PDE4D: variants seen among roughly 807,000 people sequenced by gnomAD.
PDE4D encodes phosphodiesterase 4D.
PDE4D carries 24 observed loss-of-function variants against 87.4 expected under a neutral mutation model. That is an observed-to-expected ratio of 0.27 (90% confidence interval 0.20 to 0.39). PDE4D has a LOEUF of 0.39. Ranked by LOEUF, PDE4D falls within the 10% of genes least tolerant of loss-of-function variation. PDE4D has a pLI of 1.00. For missense variants in PDE4D, 714 were observed against 1,041.0 expected, an observed-to-expected ratio of 0.69 and a Z score of 4.32; for synonymous variants, 384 against 383.2, an observed-to-expected ratio of 1.00 and a Z score of -0.02.
At chr5:59,711,245 G>T (rs1361189413) in intron 1 of PDE4D, among the ~76,000 whole-genome samples, 1 of 151,694 alleles carries the variant, frequency 6.6e-6, no homozygotes, top group African/African-American at 2.4e-5. Context: ...ACACTTCCAG[G>T]GAATTTTTGT....
At chr5:59,730,263 C>T (rs888889998) in intron 1 of PDE4D, among the ~76,000 whole-genome samples, 2 of 151,910 alleles carry the variant, frequency 1.3e-5, no homozygotes, top group African/African-American at 4.8e-5. Context: ...TATGGAGTTC[C>T]GATACGTGCA....
At chr5:58,981,512 CCTCTTATG>C in intron 11 of PDE4D, among the ~76,000 whole-genome samples, 1 of 7,010 alleles carries the variant, frequency 1.4e-4, no homozygotes, top group South Asian at 2.9e-3. Context: ...TAAGTTAATA[CCTCTTATG>C]TTATATAAGG....
chr5:59,907,424 T>C (rs1752964040), intron 3 of PDE4D, among the ~76,000 whole-genome samples: 1 of 152,076 alleles, frequency 6.6e-6, no homozygotes, highest in African/African-American at 2.4e-5. Flanking sequence ...CACTAGGGTC[T>C]ATCTACTTGA....
rs191550514 is a variant in PDE4D at position 60,235,274 on chromosome 5, G to A, written c.-89-49587C>T. ...TATATTTCAGACTTATTTATAAATT[G>A]TAAATCAGATCCCAAGAAGCATCAT... On this transcript the variant is annotated intron_variant, in intron 1 of 16. Coordinates refer to the PDE4D transcript ENST00000502484. Among the ~76,000 whole-genome samples, 88 of 151,890 alleles carry A rather than the reference G, an allele frequency of 5.8e-4. 1 individual carries two copies. The highest frequency in any genetic ancestry group is 2.0e-3 in the African/African-American group (83 of 41,500).
In PDE4D at chr5:59,000,630, C is replaced by T. The variant is rs556105676; in HGVS notation, c.922-7165G>A. 7.6e-4 allele frequency among the ~76,000 whole-genome samples: 115 copies of T among 152,206 alleles called. 2 individuals are homozygous for T. The highest frequency in any genetic ancestry group is 2.6e-3 in the African/African-American group (108 of 41,528). On this transcript the variant is annotated intron_variant, in intron 6 of 14. Transcript: ENST00000340635. ...TGTGAAAGCTAGGGCACTGTGTATG[C>T]ATAAGGAATGCAGTGTTTTGTATAT...
rs574643086 is a variant in PDE4D at position 59,623,776 on chromosome 5, T to G, written c.455+269392A>C. 5.3e-5 allele frequency among the ~76,000 whole-genome samples: 8 copies of G among 152,314 alleles called. No homozygotes were observed. The South Asian group carries it at 1.4e-3, about 28-fold the overall frequency. On this transcript the variant is annotated intron_variant, in intron 1 of 14. Transcript: ENST00000340635. ...TCGTGCTATTTACATTTAAGGAGGGTTCAATGTTTCTCTGCAATGCTATTT... is the reference window on the plus strand; with the variant it reads ...TCGTGCTATTTACATTTAAGGAGGGGTCAATGTTTCTCTGCAATGCTATTT...
At chr5:59,670,595 T>C (rs1421356662) in intron 1 of PDE4D, among the ~76,000 whole-genome samples, 1 of 152,166 alleles carries the variant, frequency 6.6e-6, no homozygotes, top group Non-Finnish European at 1.5e-5. Context: ...ACTATGTGTA[T>C]GCATGTATTC....
At position 59,307,344 on chromosome 5, in the gene PDE4D, G is replaced by T. The variant is rs571294725; in HGVS notation, c.456-91376C>A. On this transcript the variant is annotated intron_variant, in intron 1 of 14. Coordinates refer to ENST00000340635, the MANE Select transcript of PDE4D (RefSeq NM_001104631.2). ...AACACCAAAAGCAATGGCAACAAAAGCCAAAATTGATAAATGGGATCTAAT... is the reference window on the plus strand; with the variant it reads ...AACACCAAAAGCAATGGCAACAAAATCCAAAATTGATAAATGGGATCTAAT... Among the ~76,000 whole-genome samples the T allele has an allele frequency of 7.5e-3, 1,115 of 148,864 alleles. 6 individuals carry two copies. Among genetic ancestry groups the T allele is most frequent in the Middle Eastern group, 0.024 (7 of 294 alleles).
At chr5:60,412,828 G>C (rs981266580) in intron 1 of PDE4D, among the ~76,000 whole-genome samples, 1 of 152,124 alleles carries the variant, frequency 6.6e-6, no homozygotes, top group Non-Finnish European at 1.5e-5. Context: ...ATTTGCCAAA[G>C]CCTATAGCAT....
At chr5:59,000,323 C>G (rs1426844447) in intron 6 of PDE4D, among the ~76,000 whole-genome samples, 1 of 152,186 alleles carries the variant, frequency 6.6e-6, no homozygotes, top group African/African-American at 2.4e-5. Flanking sequence ...AAATGGCAAT[C>G]GAGCATTTTA....
At chr5:59,671,061 G>C (rs1417918077) in intron 1 of PDE4D, among the ~76,000 whole-genome samples, 1 of 152,196 alleles carries the variant, frequency 6.6e-6, no homozygotes, top group Admixed American at 6.5e-5. Context: ...TCCATAGGTA[G>C]AGTAGAATGA....
intron 1 of PDE4D, among the ~76,000 whole-genome samples, chr5:59,874,858 T>A (rs897233952): frequency 6.6e-6 from 1 of 152,188 alleles, no homozygotes; most frequent in Non-Finnish European, 1.5e-5. Flanking sequence ...AACCTGAGGC[T>A]ATAATTATTT....
intron 5 of PDE4D, among the ~76,000 whole-genome samples, chr5:59,153,116 CACA>C (rs1284186798): frequency 6.6e-6 from 1 of 152,130 alleles, no homozygotes; most frequent in Non-Finnish European, 1.5e-5. Context: ...CGACATTCAT[CACA>C]ACAACTCTCT....
At chr5:59,280,917 C>T (rs1424790269) in intron 1 of PDE4D, among the ~76,000 whole-genome samples, 3 of 151,998 alleles carry the variant, frequency 2.0e-5, no homozygotes, top group African/African-American at 7.2e-5. Flanking sequence ...TCCTAGCATT[C>T]TGGTGTGGGT....
intron 1 of PDE4D, among the ~76,000 whole-genome samples, chr5:59,720,742 C>T (rs557711285): frequency 4.6e-5 from 7 of 152,180 alleles, no homozygotes; most frequent in Admixed American, 4.6e-4. Flanking sequence ...AGGGAAACTC[C>T]TTCACAAAAG....
chr5:59,392,766 T>A (rs1788505934), intron 1 of PDE4D, among the ~76,000 whole-genome samples: 1 of 152,160 alleles, frequency 6.6e-6, no homozygotes, highest in South Asian at 2.1e-4. Context: ...AGCTCCTGGC[T>A]CCTGCAGATA....
intron 1 of PDE4D, among the ~76,000 whole-genome samples, chr5:60,359,038 G>T (rs1337243971): frequency 1.3e-5 from 2 of 152,304 alleles, no homozygotes; most frequent in Non-Finnish European, 2.9e-5. Flanking sequence ...TATAACCTCT[G>T]TCTTCAGGTG....
At chr5:59,682,208 T>C (rs985930980) in intron 1 of PDE4D, among the ~76,000 whole-genome samples, 2 of 152,214 alleles carry the variant, frequency 1.3e-5, no homozygotes, top group African/African-American at 4.8e-5. Flanking sequence ...AATTGAGGAA[T>C]AACAGCATAT....
chr5:60,383,602 G>C (rs1200796792), intron 1 of PDE4D, among the ~76,000 whole-genome samples: 3 of 152,194 alleles, frequency 2.0e-5, no homozygotes, highest in Non-Finnish European at 4.4e-5. Flanking sequence ...TGAACTCAGA[G>C]AGGTGAATGG....
Sources: gnomAD v4.1 joint callset for allele counts (sites outside exome capture counted in the v4.1 genomes callset) on GRCh38, gnomAD v4.1.1 for gene constraint, MANE v1.5 for transcripts, NCBI Gene and HGNC (gene_info 2026-07-23, HGNC 2026-07-21) for gene names.